RBBP4: variants seen among roughly 807,000 people sequenced by gnomAD.
RBBP4 encodes the protein histone-binding protein RBBP4.
A neutral mutation model predicts 57.2 loss-of-function variants in RBBP4; 3 were observed. The ratio of observed to expected loss-of-function variants is 0.05; its 90% CI spans 0.02 to 0.14. RBBP4 has a LOEUF of 0.14. Among genes scored for constraint, RBBP4 ranks in the 10% least tolerant of loss-of-function variants. The pLI, the probability that RBBP4 is intolerant of heterozygous loss-of-function variation, is 1.00. For synonymous variants in RBBP4, 151 were observed against 171.5 expected (o/e 0.88, Z 0.93); for missense variants, 107 against 520.6 (o/e 0.21, Z 7.73).
chr1:32,673,224 C>T (rs1002010951), intron 11 of RBBP4, among the ~76,000 whole-genome samples: 1 of 152,118 alleles, frequency 6.6e-6, no homozygotes, highest in African/African-American at 2.4e-5. Context: ...TTTTCCATGT[C>T]TGTTTACTTC....
At chr1:32,666,820 C>G (rs1648674098) in intron 3 of RBBP4, among the ~76,000 whole-genome samples, 1 of 152,108 alleles carries the variant, frequency 6.6e-6, no homozygotes, top group Non-Finnish European at 1.5e-5. Flanking sequence ...TGGACATTAT[C>G]AATCATTAGT....
intron 3 of RBBP4, among the ~76,000 whole-genome samples, chr1:32,663,609 C>T (rs911757295): frequency 2.6e-5 from 4 of 151,488 alleles, no homozygotes; most frequent in African/African-American, 9.7e-5. Flanking sequence ...CAGAGTCTCG[C>T]TTTATCGCCC....
intron 3 of RBBP4, among the ~76,000 whole-genome samples, chr1:32,666,174 C>T (rs1490715884): frequency 6.6e-6 from 1 of 151,974 alleles, no homozygotes; most frequent in East Asian, 1.9e-4. Context: ...ATAAAAGAAA[C>T]ACTGTAAGGA....
At chr1:32,667,484 G>A (rs1648704982) in intron 3 of RBBP4, among the ~76,000 whole-genome samples, 1 of 151,946 alleles carries the variant, frequency 6.6e-6, no homozygotes, top group Non-Finnish European at 1.5e-5. Flanking sequence ...AAATATCAGC[G>A]CACCCAGCCA....
chr1:32,651,424 C>G, intron 1 of RBBP4, 102 bp downstream of exon 1: 1 of 1,382,480 alleles, frequency 7.2e-7, no homozygotes, highest in Non-Finnish European at 9.4e-7. Flanking sequence ...TTGCCGAGTG[C>G]AGTCCCCGGT....
chr1:32,666,170 G>T (rs1293093247), intron 3 of RBBP4, among the ~76,000 whole-genome samples: 3 of 152,082 alleles, frequency 2.0e-5, no homozygotes, highest in African/African-American at 7.2e-5. Flanking sequence ...TGAAATAAAA[G>T]AAACACTGTA....
rs1160731822 is a variant in RBBP4, at chr1:32,684,153, CA to C, written c.*4451del. ...TAAGCACAATTTGAAAATCATTTCCCAAATCCTCTTTTTGTTTTTGATTCTA... is the reference window on the plus strand; with the variant it reads ...TAAGCACAATTTGAAAATCATTTCCCAATCCTCTTTTTGTTTTTGATTCTA... On this transcript the variant is annotated 3_prime_UTR_variant, in exon 12 of 12. Transcript: ENST00000373493. 39 of 1,606,314 alleles carry C rather than the reference CA, an allele frequency of 2.4e-5. No individual in the cohort carries two copies. The highest frequency in any genetic ancestry group is 1.7e-6 in the Non-Finnish European group (2 of 1,175,662).
At chr1:32,674,469 A>G (rs1397533287) in intron 11 of RBBP4, among the ~76,000 whole-genome samples, 1 of 151,984 alleles carries the variant, frequency 6.6e-6, no homozygotes, top group Non-Finnish European at 1.5e-5. Context: ...TGTGAGCTCA[A>G]GCGATTTGCC....
chr1:32,657,307 G>T, intron 2 of RBBP4, 120 bp from the exon 3 acceptor site: 1 of 941,596 alleles, frequency 1.1e-6, no homozygotes, highest in East Asian at 2.6e-5. Context: ...GACCCTTAAT[G>T]ACTTTTTCCC....
intron 3 of RBBP4, among the ~76,000 whole-genome samples, chr1:32,659,538 C>CAAA (rs11414138): frequency 7.4e-4 from 109 of 146,390 alleles, no homozygotes; most frequent in African/African-American, 2.6e-3. Context: ...CCAGCCTGGG[C>CAAA]AAAAAAAAAA....
At chr1:32,652,260 G>C (rs966913273) in intron 2 of RBBP4, 199 bp downstream of exon 2, 20 of 594,592 alleles carry the variant, frequency 3.4e-5, no homozygotes, top group Admixed American at 6.3e-5. Flanking sequence ...ACATATTGGC[G>C]TTTTTTTCTC....
intron 11 of RBBP4, among the ~76,000 whole-genome samples, chr1:32,679,122 C>T (rs1649261185): frequency 6.6e-6 from 1 of 152,068 alleles, no homozygotes; most frequent in African/African-American, 2.4e-5. Context: ...CATGGTGAAA[C>T]CCCATCTCTA....
At chr1:32,656,938 T>C (rs1233853199) in intron 2 of RBBP4, among the ~76,000 whole-genome samples, 2 of 152,212 alleles carry the variant, frequency 1.3e-5, no homozygotes, top group Non-Finnish European at 2.9e-5. Context: ...TCACATTTTA[T>C]TCCATAAAAC....
chr1:32,669,324 T>C lies in RBBP4; in HGVS notation c.855T>C (p.Ser285=), dbSNP rs7538661. 2.9e-3 allele frequency: 4,650 copies of C among 1,611,286 alleles called. 33 individuals carry two copies. The highest frequency in any genetic ancestry group is 0.025 in the Middle Eastern group (121 of 4,804). The part of the protein sequence containing the change: ...EVNCLSFNPY[S]EFILATGSAD... ...ACTGCCTTTCTTTCAATCCTTATAG[T>C]GAGTTCATTCTTGCCACAGGATCAG... is the stretch of plus-strand genomic sequence containing the variant. Residue 285 remains serine (S), a synonymous_variant, in exon 7 of 12, where the codon AGT becomes AGC. Coordinates refer to ENST00000373493, the MANE Select transcript of RBBP4 (RefSeq NM_005610.3). The surrounding 1 kb of genome is among the most constrained non-coding windows in gnomAD (Gnocchi z 4.9).
chr1:32,677,093 C>T (rs1136258), intron 11 of RBBP4, among the ~76,000 whole-genome samples: 16,886 of 152,126 alleles, frequency 0.11, 1,731 homozygotes, highest in African/African-American at 0.26. Flanking sequence ...ACAGAGCTCT[C>T]CAAAAACACT....
At chr1:32,673,365 C>A in intron 11 of RBBP4, 1 of 365,826 alleles carries the variant, frequency 2.7e-6, no homozygotes, top group Non-Finnish European at 5.3e-6. Flanking sequence ...TACTATTTCT[C>A]CATGAAAGCT....
intron 11 of RBBP4, among the ~76,000 whole-genome samples, chr1:32,675,869 T>A (rs1233085571): frequency 6.6e-6 from 1 of 151,946 alleles, no homozygotes; most frequent in Non-Finnish European, 1.5e-5. Context: ...AGCCGGAGGA[T>A]CACTTGAGCC....
intron 3 of RBBP4, among the ~76,000 whole-genome samples, chr1:32,664,031 A>G (rs1334866709): frequency 6.7e-6 from 1 of 148,980 alleles, no homozygotes; most frequent in Non-Finnish European, 1.5e-5. Flanking sequence ...GGTTCATGCC[A>G]TTCTCCTGCC....
chr1:32,678,664 A>T (rs935263281), intron 11 of RBBP4, among the ~76,000 whole-genome samples: 3 of 124,568 alleles, frequency 2.4e-5, no homozygotes, highest in Admixed American at 1.1e-4. Flanking sequence ...ATCTTGGCTC[A>T]CTACAACCAC....
Sources: allele counts gnomAD v4.1 joint callset (sites outside exome capture counted in the v4.1 genomes callset), GRCh38; gene constraint gnomAD v4.1.1; non-coding constraint Gnocchi (gnomAD v3.1); transcripts MANE v1.5; gene names NCBI Gene and HGNC (gene_info 2026-07-23, HGNC 2026-07-21).